The following BCL2 variants were observed in gnomAD, a reference collection of about 807,000 sequenced individuals.
BCL2 encodes the protein BCL2 apoptosis regulator.
Under a neutral mutation model 14.2 loss-of-function variants are expected in BCL2, and 1 was observed. The observed-to-expected ratio is 0.07, with a 90% CI of 0.02 to 0.33. The LOEUF (loss-of-function observed/expected upper bound fraction) is 0.33, where lower values mean the gene tolerates loss of function less well. BCL2 is among the 10% of genes least tolerant of loss of function. The pLI, the probability that BCL2 is intolerant of heterozygous loss-of-function variation, is 0.99. For synonymous variants in BCL2, 151 were observed against 137.2 expected (o/e 1.10, Z -0.70); for missense variants, 247 against 305.9 (o/e 0.81, Z 1.44).
At chr18:63,314,243 T>G (rs2144312713) in intron 2 of BCL2, 1 of 152,334 alleles carries the variant, frequency 6.6e-6, no homozygotes, top group East Asian at 1.9e-4. Flanking sequence ...AATCCTATCG[T>G]CTTGCTGCCA....
intron 2 of BCL2, among the ~76,000 whole-genome samples, chr18:63,176,191 A>G (rs1915344851): frequency 6.6e-6 from 1 of 152,194 alleles, no homozygotes; most frequent in Non-Finnish European, 1.5e-5. Context: ...GAGTGTTTTG[A>G]GAATGCTTGA....
intron 2 of BCL2, among the ~76,000 whole-genome samples, chr18:63,144,897 T>C (rs2046137): frequency 0.23 from 34,381 of 152,116 alleles, 4,660 homozygotes; most frequent in East Asian, 0.59. Flanking sequence ...CCCTGGGCAC[T>C]GTGCAAGGCT....
intron 2 of BCL2, among the ~76,000 whole-genome samples, chr18:63,313,242 CT>C (rs1341059414): frequency 6.6e-6 from 1 of 152,226 alleles, no homozygotes; most frequent in Admixed American, 6.5e-5. Context: ...TGCCTCCAAC[CT>C]AACCCAAGGC....
At chr18:63,210,448 A>T (rs1909967890) in intron 2 of BCL2, among the ~76,000 whole-genome samples, 1 of 152,218 alleles carries the variant, frequency 6.6e-6, no homozygotes, top group South Asian at 2.1e-4. Flanking sequence ...ATTGGCTTCA[A>T]ATTTCAATCC....
intron 2 of BCL2, among the ~76,000 whole-genome samples, chr18:63,130,691 T>A (rs1465716730): frequency 1.3e-5 from 2 of 152,208 alleles, no homozygotes; most frequent in African/African-American, 4.8e-5. Flanking sequence ...TGCCATACTT[T>A]AAAAAATTCA....
intron 2 of BCL2, among the ~76,000 whole-genome samples, chr18:63,274,862 A>G (rs1236273453): frequency 6.6e-6 from 1 of 152,162 alleles, no homozygotes; most frequent in African/African-American, 2.4e-5. Flanking sequence ...TAAAAGCTTA[A>G]TTTTTAAAAC....
intron 2 of BCL2, among the ~76,000 whole-genome samples, chr18:63,134,163 G>T (rs1914147387): frequency 6.6e-6 from 1 of 152,118 alleles, no homozygotes; most frequent in Non-Finnish European, 1.5e-5. Flanking sequence ...ATGAGGACAT[G>T]GCATTTAAGA....
intron 2 of BCL2, among the ~76,000 whole-genome samples, chr18:63,184,053 A>G (rs1455751783): frequency 3.3e-5 from 5 of 152,222 alleles, no homozygotes; most frequent in African/African-American, 9.6e-5. Flanking sequence ...GAATGGTCCC[A>G]ATCCTGAAGT....
At chr18:63,249,268 G>C (rs1326697172) in intron 2 of BCL2, among the ~76,000 whole-genome samples, 1 of 152,098 alleles carries the variant, frequency 6.6e-6, no homozygotes, top group African/African-American at 2.4e-5. Context: ...AAGTCCAATT[G>C]GTTCTTCCTT....
At chr18:63,275,764 G>A (rs1419836365) in intron 2 of BCL2, among the ~76,000 whole-genome samples, 1 of 152,240 alleles carries the variant, frequency 6.6e-6, no homozygotes, top group Non-Finnish European at 1.5e-5. Flanking sequence ...TGCAGGCCAA[G>A]CAAACCCTGG....
chr18:63,257,972 G>A (rs1057456361), intron 2 of BCL2, among the ~76,000 whole-genome samples: 3 of 152,180 alleles, frequency 2.0e-5, no homozygotes, highest in African/African-American at 7.2e-5. Context: ...CAAGTCCCCA[G>A]TACCTGTAAA....
rs1025843412 is a variant in BCL2 at position 63,318,487 on chromosome 18, G to C, written c.180C>G (p.Ala60=). ...TCCTGGCGACCGGGTCCCGGGATGC[G>C]GCTGGATGGGGCGTGTGCCCGGGCT... ...SSQPGHTPHP[A]ASRDPVARTS... Residue 60 remains alanine (A), a synonymous_variant, in exon 2 of 3, where the codon GCC becomes GCG. Transcript: ENST00000333681. This position sits in a 1 kb window ranked among gnomAD's most constrained non-coding sequence, Gnocchi z 7.4. The C allele has an allele frequency of 2.0e-6, 3 of 1,504,534 alleles. No individual in the cohort carries two copies. Among genetic ancestry groups the C allele is most frequent in the South Asian group, 2.6e-5 (2 of 76,454 alleles). 93.2% of individuals were successfully genotyped at this position (1,504,534 alleles called of 1,614,324 possible).
chr18:63,179,274 G>C (rs1948589798), intron 2 of BCL2, among the ~76,000 whole-genome samples: 1 of 152,150 alleles, frequency 6.6e-6, no homozygotes. Flanking sequence ...AAAAGAAAAG[G>C]TGTCTGAGTT....
chr18:63,227,382 T>C (rs1190415494), intron 2 of BCL2, among the ~76,000 whole-genome samples: 1 of 152,234 alleles, frequency 6.6e-6, no homozygotes, highest in African/African-American at 2.4e-5. Flanking sequence ...TAATTTTTTG[T>C]ATTTTTGGTA....
intron 2 of BCL2, among the ~76,000 whole-genome samples, chr18:63,181,682 T>G (rs1176235755): frequency 6.6e-6 from 1 of 152,242 alleles, no homozygotes; most frequent in East Asian, 1.9e-4. Flanking sequence ...GTCAGACATG[T>G]GTCCAACTTC....
At chr18:63,200,129 G>T (rs770071771) in intron 2 of BCL2, among the ~76,000 whole-genome samples, 4 of 152,176 alleles carry the variant, frequency 2.6e-5, no homozygotes, top group Non-Finnish European at 5.9e-5. Flanking sequence ...ATATGACAGG[G>T]TGATTTAATT....
chr18:63,159,571 T>C (rs1478448159), intron 2 of BCL2, among the ~76,000 whole-genome samples: 2 of 152,238 alleles, frequency 1.3e-5, no homozygotes, highest in African/African-American at 2.4e-5. Flanking sequence ...CTAATTTTGA[T>C]AGAATGTAAC....
Position 63,318,901 on chromosome 18 carries a change from G to T in BCL2, c.-235C>A. The T allele has an allele frequency of 7.1e-7, 1 of 1,408,206 alleles. No homozygotes were observed. The highest frequency in any genetic ancestry group is 1.6e-5 in the South Asian group (1 of 63,838). The allele number at this position is 1,408,206 out of a possible 1,614,324, so 87.2% of individuals were successfully genotyped here. On this transcript the variant is annotated 5_prime_UTR_variant, in exon 2 of 3. Coordinates refer to ENST00000333681, the MANE Select transcript of BCL2 (RefSeq NM_000633.3). This position sits in a 1 kb window ranked among gnomAD's most constrained non-coding sequence, Gnocchi z 7.4. ...TCCTTTCGGATCTTTATTTCATGAG[G>T]CACGTTATTATTAGTAAGTATTGTT...
chr18:63,246,692 C>T (rs990048870), intron 2 of BCL2, among the ~76,000 whole-genome samples: 1 of 152,264 alleles, frequency 6.6e-6, no homozygotes, highest in African/African-American at 2.4e-5. Context: ...CCCAGTTACA[C>T]CCTACGTTAT....
Sources: gnomAD v4.1 joint callset for allele counts (sites outside exome capture counted in the v4.1 genomes callset) on GRCh38, gnomAD v4.1.1 for gene constraint, Gnocchi (gnomAD v3.1) non-coding constraint, MANE v1.5 for transcripts, NCBI Gene and HGNC (gene_info 2026-07-23, HGNC 2026-07-21) for gene names.